The following SATB1 variants were observed in gnomAD, a reference collection of about 807,000 sequenced individuals.
SATB1 encodes DNA-binding protein SATB1.
A neutral mutation model predicts 86.9 loss-of-function variants in SATB1; 11 were observed. That is an observed-to-expected ratio of 0.13 (90% confidence interval 0.08 to 0.21). The LOEUF (loss-of-function observed/expected upper bound fraction) is 0.21. Among genes scored for constraint, SATB1 ranks in the 10% least tolerant of loss-of-function variants. The pLI is 1.00. For missense variants in SATB1, 551 were observed against 937.6 expected (o/e 0.59, Z 5.39); for synonymous variants, 357 against 357.2 (o/e 1.00, Z 0.01).
intron 9 of SATB1, among the ~76,000 whole-genome samples, chr3:18,360,417 C>G (rs1466097010): frequency 6.6e-6 from 1 of 152,112 alleles, no homozygotes; most frequent in Admixed American, 6.6e-5. Flanking sequence ...CCCAATGACA[C>G]TGATGTCCAA....
At chr3:18,434,255 T>C (rs907651368) in intron 2 of SATB1, among the ~76,000 whole-genome samples, 1 of 152,114 alleles carries the variant, frequency 6.6e-6, no homozygotes, top group Non-Finnish European at 1.5e-5. Context: ...TTTACAACAC[T>C]GCAACCAAGT....
intron 8 of SATB1, among the ~76,000 whole-genome samples, chr3:18,383,701 C>A (rs920348785): frequency 4.6e-4 from 70 of 152,234 alleles, no homozygotes; most frequent in Admixed American, 3.1e-3. Context: ...TTTTAATATG[C>A]ATACTGGTTC....
At chr3:18,367,922 C>T (rs189532621) in intron 9 of SATB1, among the ~76,000 whole-genome samples, 45 of 152,314 alleles carry the variant, frequency 3.0e-4, no homozygotes, top group Non-Finnish European at 4.9e-4. Context: ...CAAAAAGTGA[C>T]TGAACTTGCA....
chr3:18,395,173 AATT>A (rs1434417254), intron 6 of SATB1, among the ~76,000 whole-genome samples: 5 of 152,200 alleles, frequency 3.3e-5, no homozygotes, highest in Admixed American at 6.5e-5. Context: ...GCATAAAATC[AATT>A]ATTACCCAAA....
chr3:18,380,127 G>C (rs779625755), intron 8 of SATB1, among the ~76,000 whole-genome samples: 2 of 152,104 alleles, frequency 1.3e-5, no homozygotes, highest in Non-Finnish European at 2.9e-5. Context: ...TCACCCCATG[G>C]GGTCCCTTTT....
At chr3:18,375,365 T>A (rs1695691153) in intron 9 of SATB1, among the ~76,000 whole-genome samples, 1 of 152,014 alleles carries the variant, frequency 6.6e-6, no homozygotes, top group Non-Finnish European at 1.5e-5. Flanking sequence ...CATGATAGGG[T>A]CTAGCACAAA....
Position 18,347,038 on chromosome 3 carries a change from T to TC in SATB1, c.*2131_*2132insG, listed in dbSNP as rs1227739818. 2 of 152,162 alleles carry TC rather than the reference T, an allele frequency of 1.3e-5. No individual in the cohort carries two copies. Among genetic ancestry groups the TC allele is most frequent in the East Asian group, 3.9e-4 (2 of 5,194 alleles). The allele number at this position is 152,162 out of a possible 1,614,324, so 9.4% of individuals were successfully genotyped here. On this transcript the variant is annotated 3_prime_UTR_variant, in exon 11 of 11. Transcript: ENST00000338745. Reference sequence around the variant, plus strand: ...ACAAACCAGCTGCCTTCAGAGGAGCTTAGCTGTGCTTCAAAAGTAAATGGA... The same window carrying TC: ...ACAAACCAGCTGCCTTCAGAGGAGCTCTAGCTGTGCTTCAAAAGTAAATGGA...
At chr3:18,389,721 A>G (rs1291285478) in intron 7 of SATB1, among the ~76,000 whole-genome samples, 2 of 152,140 alleles carry the variant, frequency 1.3e-5, no homozygotes, top group East Asian at 3.9e-4. Context: ...CATCAGTATC[A>G]AGAATCATTG....
intron 9 of SATB1, among the ~76,000 whole-genome samples, chr3:18,362,736 T>C (rs1038791550): frequency 1.3e-5 from 2 of 151,584 alleles, no homozygotes; most frequent in Admixed American, 1.3e-4. Context: ...TATTGCAATG[T>C]TATGAAGCAA....
chr3:18,369,481 C>T (rs1695350969), intron 9 of SATB1, among the ~76,000 whole-genome samples: 1 of 152,114 alleles, frequency 6.6e-6, no homozygotes, highest in South Asian at 2.1e-4. Context: ...GACACAACTT[C>T]TTTTGACTGC....
At chr3:18,351,795 A>G in intron 10 of SATB1, 197 bp downstream of exon 10, 1 of 587,424 alleles carries the variant, frequency 1.7e-6, no homozygotes, top group African/African-American at 1.9e-5. Context: ...AGATGAGGAA[A>G]GAGGAACACG....
At chr3:18,412,900 A>T (rs1697927262) in intron 5 of SATB1, among the ~76,000 whole-genome samples, 1 of 152,166 alleles carries the variant, frequency 6.6e-6, no homozygotes, top group African/African-American at 2.4e-5. Flanking sequence ...TCAGCAAAAT[A>T]TAAAATAAGT....
chr3:18,369,347 T>C (rs1251525086), intron 9 of SATB1, among the ~76,000 whole-genome samples: 3 of 149,810 alleles, frequency 2.0e-5, no homozygotes, highest in Admixed American at 6.7e-5. Flanking sequence ...AGAAAAAAAA[T>C]GAAAAGCCCA....
chr3:18,431,766 T>C (rs569360853), intron 2 of SATB1, among the ~76,000 whole-genome samples: 4 of 152,300 alleles, frequency 2.6e-5, no homozygotes, highest in African/African-American at 9.6e-5. Flanking sequence ...GAAATGTATA[T>C]GTGGGCAAGC....
upstream of SATB1, among the ~76,000 whole-genome samples, chr3:18,442,489 G>C (rs1248501777): frequency 6.6e-6 from 1 of 151,922 alleles, no homozygotes; most frequent in Non-Finnish European, 1.5e-5. Context: ...AAACATATTT[G>C]GTATATTTAT....
intron 10 of SATB1, 45 bp downstream of exon 10, chr3:18,351,947 C>T (rs1454659021): frequency 1.3e-6 from 2 of 1,578,848 alleles, no homozygotes; most frequent in South Asian, 2.2e-5. Context: ...AAGTTTAAAG[C>T]TTTATTTACT....
In SATB1 at chr3:18,425,087, C is replaced by T. The variant is rs1698614313; in HGVS notation, c.-1485G>A. The T allele has an allele frequency of 6.2e-6, 1 of 161,412 alleles. No homozygotes were observed. The highest frequency in any genetic ancestry group is 6.5e-5 in the Admixed American group (1 of 15,324). 10.0% of individuals were successfully genotyped at this position (161,412 alleles called of 1,614,324 possible). On this transcript the variant is annotated 5_prime_UTR_variant, in exon 1 of 11. Coordinates refer to ENST00000338745, the MANE Select transcript of SATB1 (RefSeq NM_002971.6). Reference sequence around the variant, plus strand: ...GCCGCTGTCGCTGCCGCCGCCGTGCCCCGCTCGGCTCCGCGCGTCCGCCCG... The same window carrying T: ...GCCGCTGTCGCTGCCGCCGCCGTGCTCCGCTCGGCTCCGCGCGTCCGCCCG...
intron 5 of SATB1, among the ~76,000 whole-genome samples, chr3:18,413,435 A>AC (rs1450964174): frequency 1.3e-5 from 2 of 152,046 alleles, no homozygotes; most frequent in African/African-American, 4.8e-5. Context: ...ACATAAAGAC[A>AC]CATGCGATTC....
Position 18,349,668 on chromosome 3 carries a change from T to C in SATB1, c.1794A>G (p.Gln598=), listed in dbSNP as rs754851971. 3.1e-6 allele frequency: 5 copies of C among 1,606,406 alleles called. No individual in the cohort carries two copies. The highest frequency in any genetic ancestry group is 1.7e-5 in the Admixed American group (1 of 58,750). ...GCTGCTGCTGCTGCTGCTGTTGCTG[T>C]TGCTGCTGCTGTTGCTGCAAAGAAA... ...PAEQIQQQQQ[Q]QQQQQQQQQA... is the part of the protein sequence containing the mutation. Residue 598 remains glutamine (Q), a synonymous_variant, in exon 11 of 11, where the codon CAA becomes CAG. Coordinates refer to ENST00000338745, the MANE Select transcript of SATB1 (RefSeq NM_002971.6). The surrounding 1 kb of genome is among the most constrained non-coding windows in gnomAD (Gnocchi z 5.5).
Sources: allele counts gnomAD v4.1 joint callset (sites outside exome capture counted in the v4.1 genomes callset), GRCh38; gene constraint gnomAD v4.1.1; non-coding constraint Gnocchi (gnomAD v3.1); transcripts MANE v1.5; gene names NCBI Gene and HGNC (gene_info 2026-07-23, HGNC 2026-07-21).